Variants in RGL1 observed in about 807,000 individuals in gnomAD.
The protein encoded by RGL1 is ral guanine nucleotide dissociation stimulator like 1, also known as ral guanine nucleotide dissociation stimulator-like 1.
In RGL1, 24 loss-of-function variants were observed where a neutral mutation model predicts 95.2. The ratio of observed to expected loss-of-function variants is 0.25; its 90% confidence interval spans 0.18 to 0.35. RGL1 has a LOEUF of 0.35. Among genes scored for constraint, RGL1 ranks in the 10% least tolerant of loss-of-function variants. RGL1 has a pLI of 1.00. For missense variants in RGL1, 715 were observed against 936.3 expected (o/e 0.76, Z 3.08); for synonymous variants, 329 against 344.9 (o/e 0.95, Z 0.51).
chr1:183,842,859 C>T (rs1572489797), intron 2 of RGL1, among the ~76,000 whole-genome samples: 1 of 152,330 alleles, frequency 6.6e-6, no homozygotes, highest in East Asian at 1.9e-4. Context: ...CCTAAAGTCT[C>T]TTAAAACACT....
intron 2 of RGL1, among the ~76,000 whole-genome samples, chr1:183,843,913 C>T (rs1274385234): frequency 5.3e-5 from 8 of 152,226 alleles, no homozygotes; most frequent in African/African-American, 1.4e-4. Flanking sequence ...CTGCAACCTC[C>T]GCTTCCTGGG....
intron 5 of RGL1, among the ~76,000 whole-genome samples, chr1:183,882,638 C>A (rs934731794): frequency 5.9e-5 from 9 of 152,160 alleles, no homozygotes; most frequent in Non-Finnish European, 1.3e-4. Flanking sequence ...ACCCCATTGG[C>A]ATCTGGAACT....
chr1:183,748,394 CTTTTTTTTTTTTTTTTTTT>C (rs56920504), intron 2 of RGL1, among the ~76,000 whole-genome samples: 3 of 69,680 alleles, frequency 4.3e-5, no homozygotes, highest in African/African-American at 2.0e-4. Flanking sequence ...TTCTCTAGTT[CTTTTTTTTTTTTTTTTTTT>C]TTTTTTTTTT....
At chr1:183,914,364 G>T (rs74349358) in intron 15 of RGL1, among the ~76,000 whole-genome samples, 1 of 152,086 alleles carries the variant, frequency 6.6e-6, no homozygotes, top group South Asian at 2.1e-4. Context: ...TTATTCTTTG[G>T]ATGAACCTTT....
chr1:183,918,841 T>A (rs1669147417), intron 16 of RGL1, among the ~76,000 whole-genome samples: 1 of 152,232 alleles, frequency 6.6e-6, no homozygotes, highest in Non-Finnish European at 1.5e-5. Context: ...GACGACACAC[T>A]GCTCTCGTGC....
chr1:183,777,683 T>C (rs1659669933), intron 2 of RGL1, among the ~76,000 whole-genome samples: 1 of 152,266 alleles, frequency 6.6e-6, no homozygotes, highest in Non-Finnish European at 1.5e-5. Context: ...CATTATACTC[T>C]AATTCCCAAC....
Position 183,884,948 on chromosome 1 carries a change from T to C in RGL1, c.951+10T>C. ...GATCAACATCGCTCATGTAATTGTC[T>C]TTTATAAAATATTCTTTGTGTTTGG... On this transcript the variant is annotated intron_variant, in intron 7 of 17. Transcript: ENST00000360851. 6.2e-7 allele frequency: 1 copy of C among 1,608,436 alleles called. No homozygotes were observed. The highest frequency in any genetic ancestry group is 8.5e-7 in the Non-Finnish European group (1 of 1,175,476).
Position 183,904,927 on chromosome 1 carries a change from C to A in RGL1, c.1428C>A (p.Phe476Leu). ...ATTGCATGACCCCAGACCAAAAGTTCATCCAGTGGTTCCAGAGGCAGCAGC... is the reference window on the plus strand; with the variant it reads ...ATTGCATGACCCCAGACCAAAAGTTAATCCAGTGGTTCCAGAGGCAGCAGC... ...NSYCMTPDQK[F>L]IQWFQRQQLL... Residue 476 changes from phenylalanine (F) to leucine (L), a missense_variant, in exon 13 of 18, where the codon TTC (phenylalanine) becomes TTA (leucine). Around this residue, in one of 3 missense-constraint regions of RGL1, gnomAD observed 330 missense variants for 429.6 expected, o/e 0.77. Transcript: ENST00000360851. 1 of 1,613,826 alleles carries A rather than the reference C, an allele frequency of 6.2e-7. No individual in the cohort carries two copies. Among genetic ancestry groups the A allele is most frequent in the Non-Finnish European group, 8.5e-7 (1 of 1,179,874 alleles).
intron 1 of RGL1, among the ~76,000 whole-genome samples, chr1:183,700,344 G>A (rs1225312772): frequency 2.6e-5 from 4 of 151,948 alleles, no homozygotes; most frequent in African/African-American, 9.7e-5. Flanking sequence ...TATTCCAGGA[G>A]CATCTGTATA....
At chr1:183,891,963 C>T (rs1364338302) in intron 8 of RGL1, 114 bp from the exon 9 acceptor site, 1 of 716,782 alleles carries the variant, frequency 1.4e-6, no homozygotes, top group East Asian at 2.7e-5. Context: ...TACCCACCAA[C>T]CCTGAGATCA....
At chr1:183,863,676 T>C (rs1391941880) in intron 3 of RGL1, among the ~76,000 whole-genome samples, 1 of 152,096 alleles carries the variant, frequency 6.6e-6, no homozygotes, top group Non-Finnish European at 1.5e-5. Context: ...TCAGGATATA[T>C]TAGAAGGGCA....
At chr1:183,784,984 G>C (rs868228190) in intron 2 of RGL1, among the ~76,000 whole-genome samples, 5 of 152,066 alleles carry the variant, frequency 3.3e-5, no homozygotes, top group African/African-American at 1.2e-4. Context: ...TTAATTTCAC[G>C]TGTTTCTTTT....
At chr1:183,806,895 C>T (rs988514152) in intron 2 of RGL1, among the ~76,000 whole-genome samples, 3 of 152,154 alleles carry the variant, frequency 2.0e-5, no homozygotes, top group South Asian at 2.1e-4. Context: ...GCTCCTATAT[C>T]TCTAGGAGGT....
chr1:183,911,647 C>T (rs1220748355), intron 14 of RGL1, among the ~76,000 whole-genome samples: 2 of 152,184 alleles, frequency 1.3e-5, no homozygotes, highest in Non-Finnish European at 2.9e-5. Context: ...ATAGAGGAAG[C>T]ATTTAGGATA....
intron 1 of RGL1, among the ~76,000 whole-genome samples, chr1:183,738,437 A>G (rs563970015): frequency 6.6e-6 from 1 of 152,126 alleles, no homozygotes; most frequent in Non-Finnish European, 1.5e-5. Context: ...AAAAGAAAGA[A>G]AAAGAAAGAA....
intron 2 of RGL1, among the ~76,000 whole-genome samples, chr1:183,818,978 C>G (rs774376227): frequency 1.3e-5 from 2 of 152,130 alleles, no homozygotes; most frequent in Non-Finnish European, 2.9e-5. Flanking sequence ...ATGACAGTAA[C>G]CTTTATAGAT....
At chr1:183,662,420 GACAA>G (rs1376721446) in intron 1 of RGL1, among the ~76,000 whole-genome samples, 4 of 151,820 alleles carry the variant, frequency 2.6e-5, no homozygotes, top group Admixed American at 6.6e-5. Flanking sequence ...ACCAATAACA[GACAA>G]ACAGAGAGCC....
chr1:183,792,501 G>A (rs1228135056), intron 2 of RGL1, among the ~76,000 whole-genome samples: 1 of 152,064 alleles, frequency 6.6e-6, no homozygotes, highest in East Asian at 1.9e-4. Flanking sequence ...AGAAATAAAA[G>A]GAACCAAACT....
At chr1:183,856,834 C>G (rs1665185094) in intron 3 of RGL1, among the ~76,000 whole-genome samples, 1 of 151,946 alleles carries the variant, frequency 6.6e-6, no homozygotes, top group South Asian at 2.1e-4. Flanking sequence ...GCATTAAAAA[C>G]TTTGATAGGG....
Sources: allele counts gnomAD v4.1 joint callset (sites outside exome capture counted in the v4.1 genomes callset), GRCh38; gene constraint gnomAD v4.1.1; regional missense constraint gnomAD v4.1.1; transcripts MANE v1.5; gene names NCBI Gene and HGNC (gene_info 2026-07-23, HGNC 2026-07-21).